The following GATB variants were observed in gnomAD, a reference collection of about 807,000 sequenced individuals.
GATB encodes the protein glutamyl-tRNA(Gln) amidotransferase subunit B, mitochondrial.
A neutral mutation model predicts 62.3 loss-of-function variants in GATB; 39 were observed. The observed-to-expected ratio is 0.63, with a 90% confidence interval of 0.48 to 0.82. The LOEUF is 0.82. Ranked by LOEUF, GATB falls within the 40% of genes least tolerant of loss-of-function variation. GATB has a pLI of 0.00. For synonymous variants in GATB, 276 were observed against 258.9 expected (o/e 1.07, Z -0.63); for missense variants, 670 against 684.0 (o/e 0.98, Z 0.23).
At chr4:151,704,269 C>A (rs1578911514) in intron 7 of GATB, among the ~76,000 whole-genome samples, 2 of 152,244 alleles carry the variant, frequency 1.3e-5, no homozygotes, top group South Asian at 4.2e-4. Flanking sequence ...TCACTCTGTT[C>A]CGCCTCTAGC....
At chr4:151,719,058 A>T (rs1738973425) in intron 3 of GATB, among the ~76,000 whole-genome samples, 1 of 152,226 alleles carries the variant, frequency 6.6e-6, no homozygotes, top group Non-Finnish European at 1.5e-5. Flanking sequence ...CTGCTGACAG[A>T]ACTACAGTAT....
intron 10 of GATB, chr4:151,687,132 C>A (rs1053949135): frequency 6.6e-6 from 1 of 152,258 alleles, no homozygotes. Flanking sequence ...TGGGCACAGA[C>A]CTTAGCACAC....
chr4:151,719,710 G>T, intron 2 of GATB, 172 bp from the exon 3 acceptor site: 1 of 491,494 alleles, frequency 2.0e-6, no homozygotes, highest in Non-Finnish European at 3.6e-6. Flanking sequence ...CTGGGAATCA[G>T]GGAAGGATAT....
At chr4:151,723,054 A>C (rs1428268477) in intron 2 of GATB, 1 of 152,244 alleles carries the variant, frequency 6.6e-6, no homozygotes, top group Admixed American at 6.5e-5. Context: ...TAATTAAATG[A>C]CTACAAAGGA....
intron 2 of GATB, among the ~76,000 whole-genome samples, chr4:151,735,248 A>C (rs993419122): frequency 1.7e-4 from 26 of 151,304 alleles, no homozygotes; most frequent in Admixed American, 9.2e-4. Flanking sequence ...AAAAAAAAAA[A>C]AACAAACAAT....
chr4:151,673,067 C>T lies in GATB; in HGVS notation c.1411-171G>A, dbSNP rs942939956. On this transcript the variant is annotated intron_variant, in intron 11 of 12. Transcript: ENST00000263985. The stretch of plus-strand genomic sequence containing the variant: ...AGGGCACCTGGCTGCCCTGCCAGAG[C>T]GTTGGCTCTCCTGAGGCATCCCTGA... The T allele has an allele frequency of 5.1e-5, 38 of 742,218 alleles. 1 individual carries two copies. The highest frequency in any genetic ancestry group is 1.1e-4 in the East Asian group (4 of 36,900). 46.0% of individuals were successfully genotyped at this position (742,218 alleles called of 1,614,324 possible).
At chr4:151,748,856 A>G (rs954530825) in intron 2 of GATB, among the ~76,000 whole-genome samples, 8 of 152,270 alleles carry the variant, frequency 5.3e-5, no homozygotes, top group Non-Finnish European at 1.0e-4. Flanking sequence ...AAGGATATGA[A>G]TAGACACTTC....
At chr4:151,742,194 T>C (rs1180527873) in intron 2 of GATB, among the ~76,000 whole-genome samples, 1 of 151,420 alleles carries the variant, frequency 6.6e-6, no homozygotes, top group Non-Finnish European at 1.5e-5. Flanking sequence ...GTCCATGCCA[T>C]TCTTCTGCCT....
intron 2 of GATB, among the ~76,000 whole-genome samples, chr4:151,742,090 G>GT (rs5862970): frequency 0.55 from 75,058 of 136,230 alleles, 21,925 homozygotes; most frequent in African/African-American, 0.76. Flanking sequence ...GAGGGATATG[G>GT]TTTTTTTTTT....
intron 10 of GATB, among the ~76,000 whole-genome samples, chr4:151,685,410 T>C (rs1738223524): frequency 6.6e-6 from 1 of 152,180 alleles, no homozygotes; most frequent in Admixed American, 6.5e-5. Flanking sequence ...GCTCTGCACC[T>C]GATGGGTTCA....
In GATB at chr4:151,730,966, A is replaced by G. The variant is rs981427164; in HGVS notation, c.328-11428T>C. On this transcript the variant is annotated intron_variant, in intron 2 of 12. Coordinates refer to ENST00000263985, the MANE Select transcript of GATB (RefSeq NM_004564.3). The surrounding 1 kb of genome is among the most constrained non-coding windows in gnomAD (Gnocchi z 4.1). ...TGAAAAAGAATTCAGGAGGTCAGCT[A>G]TTAAGCTAATCAGGGAGGGACCAGA... 6.6e-6 allele frequency among the ~76,000 whole-genome samples: 1 copy of G among 152,382 alleles called. No homozygotes were observed. The highest frequency in any genetic ancestry group is 3.4e-3 in the Middle Eastern group (1 of 294).
At chr4:151,708,353 T>A (rs1446310467) in intron 5 of GATB, among the ~76,000 whole-genome samples, 1 of 152,234 alleles carries the variant, frequency 6.6e-6, no homozygotes, top group Non-Finnish European at 1.5e-5. Context: ...TGTGTGTGCT[T>A]ATGCACATAT....
intron 10 of GATB, 34 bp from the exon 11 acceptor site, chr4:151,679,925 T>C (rs754493564): frequency 9.5e-6 from 15 of 1,583,886 alleles, no homozygotes; most frequent in East Asian, 4.5e-5. Context: ...CACATTTACA[T>C]TGCACACTGT....
In GATB at chr4:151,716,965, C is replaced by T. The variant is rs1738925254; in HGVS notation, c.551G>A (p.Arg184Lys). ...TTGCTCCAACTGGATCTGCTTGATC[C>T]TCACCGTCTTGGGGATCACCTGACT... is the stretch of plus-strand genomic sequence containing the variant. ...KQSQVIPKTV[R>K]IKQIQLEQDS... The change falls in exon 4 of 13, where the codon AGG becomes AAG. Residue 184 changes from arginine to lysine, a missense_variant. By Grantham distance (26) the Arg-to-Lys change is conservative. Transcript: ENST00000263985. 2 of 1,614,052 alleles carry T rather than the reference C, an allele frequency of 1.2e-6. No individual in the cohort carries two copies. Among genetic ancestry groups the T allele is most frequent in the African/African-American group, 1.3e-5 (1 of 74,924 alleles).
intron 9 of GATB, among the ~76,000 whole-genome samples, chr4:151,690,598 T>A (rs1452266805): frequency 6.6e-6 from 1 of 152,256 alleles, no homozygotes; most frequent in Non-Finnish European, 1.5e-5. Context: ...ACTCTTTGCT[T>A]TGCCAGGGAA....
intron 3 of GATB, chr4:151,717,326 C>T (rs1025057954): frequency 2.2e-5 from 11 of 494,548 alleles, no homozygotes; most frequent in Middle Eastern, 5.5e-4. Context: ...ATAAACAACA[C>T]GAATTCATCC....
Position 151,760,944 on chromosome 4 carries a change from T to C in GATB, c.39A>G (p.Arg13=). 1 of 1,613,522 alleles carries C rather than the reference T, an allele frequency of 6.2e-7. No homozygotes were observed. The change falls in exon 1 of 13, where the codon AGA becomes AGG. Residue 13 remains arginine (R), a synonymous_variant. Transcript: ENST00000263985. ...CGTCAACCCGGGCGAAAGCCCAACG[T>C]CTTCCACGGCAGCCCCAGCGCAGCA... ...APMLRWGCRG[R]RWAFARVDGG... is the part of the protein sequence containing the mutation.
At chr4:151,690,440 A>C (rs560608327) in intron 9 of GATB, among the ~76,000 whole-genome samples, 8 of 152,376 alleles carry the variant, frequency 5.3e-5, no homozygotes, top group African/African-American at 1.9e-4. Context: ...GTTCTGCTTA[A>C]CTTATGGAAA....
At chr4:151,716,194 G>T in intron 4 of GATB, 63 bp from the exon 5 acceptor site, 1 of 1,553,600 alleles carries the variant, frequency 6.4e-7, no homozygotes, top group East Asian at 2.3e-5. Flanking sequence ...AGAAAAATTA[G>T]GCCTAAGTTT....
Sources: gnomAD v4.1 joint callset for allele counts (sites outside exome capture counted in the v4.1 genomes callset) on GRCh38, gnomAD v4.1.1 for gene constraint, Gnocchi (gnomAD v3.1) non-coding constraint, MANE v1.5 for transcripts, NCBI Gene and HGNC (gene_info 2026-07-23, HGNC 2026-07-21) for gene names.